The following KCNAB1 variants were observed in gnomAD, a reference collection of about 807,000 sequenced individuals.
The protein encoded by KCNAB1 is voltage-gated potassium channel subunit beta-1.
In KCNAB1, 35 loss-of-function variants were observed where a neutral mutation model predicts 64.6. That is an observed-to-expected ratio of 0.54 (90% CI 0.41 to 0.72). The LOEUF is 0.72. Among genes scored for constraint, KCNAB1 ranks in the 30% least tolerant of loss-of-function variants. The pLI is 0.00. For missense variants in KCNAB1, 401 were observed against 512.9 expected (o/e 0.78, Z 2.11); for synonymous variants, 177 against 183.8 (o/e 0.96, Z 0.30).
At chr3:156,251,641 G>T (rs540981899) in intron 1 of KCNAB1, among the ~76,000 whole-genome samples, 1 of 152,010 alleles carries the variant, frequency 6.6e-6, no homozygotes, top group South Asian at 2.1e-4. Flanking sequence ...TTGAATGGGC[G>T]GGCTCAAGGG....
chr3:156,163,371 T>TA (rs1230811318), intron 1 of KCNAB1, among the ~76,000 whole-genome samples: 2 of 152,112 alleles, frequency 1.3e-5, no homozygotes, highest in Non-Finnish European at 2.9e-5. Flanking sequence ...CTATGGCACT[T>TA]AAAAAAATGC....
intron 1 of KCNAB1, among the ~76,000 whole-genome samples, chr3:156,293,199 C>T (rs1051161869): frequency 1.3e-5 from 2 of 152,170 alleles, no homozygotes; most frequent in Non-Finnish European, 2.9e-5. Flanking sequence ...TTGCTTTGTA[C>T]CAAGTCCCTC....
intron 1 of KCNAB1, among the ~76,000 whole-genome samples, chr3:156,382,714 C>T (rs1167364660): frequency 6.6e-6 from 1 of 152,166 alleles, no homozygotes; most frequent in Non-Finnish European, 1.5e-5. Context: ...GCAAGTGTCT[C>T]TTCCTGACTG....
chr3:156,369,135 C>T (rs1035942323), intron 1 of KCNAB1, among the ~76,000 whole-genome samples: 1 of 152,166 alleles, frequency 6.6e-6, no homozygotes, highest in Admixed American at 6.5e-5. Flanking sequence ...TAGGTAACCA[C>T]TATTCTGATT....
At chr3:156,269,568 G>A (rs1310392914) in intron 1 of KCNAB1, among the ~76,000 whole-genome samples, 1 of 152,160 alleles carries the variant, frequency 6.6e-6, no homozygotes, top group Admixed American at 6.5e-5. Context: ...TGTTCTAGAT[G>A]ATCTGTCCAA....
chr3:156,487,677 T>C (rs756342038), intron 8 of KCNAB1, among the ~76,000 whole-genome samples: 2 of 152,110 alleles, frequency 1.3e-5, no homozygotes, highest in Non-Finnish European at 2.9e-5. Context: ...AGGGAAGCAG[T>C]AGGAAGGGAA....
chr3:156,397,569 A>G (rs916750969), intron 1 of KCNAB1, among the ~76,000 whole-genome samples: 17 of 152,298 alleles, frequency 1.1e-4, no homozygotes, highest in African/African-American at 3.6e-4. Context: ...CTGGGAAACT[A>G]TAACAGTTTG....
intron 1 of KCNAB1, among the ~76,000 whole-genome samples, chr3:156,402,923 T>A (rs1714003496): frequency 6.6e-6 from 1 of 152,182 alleles, no homozygotes; most frequent in Admixed American, 6.5e-5. Flanking sequence ...GTCTAGAGTT[T>A]TATTGTCCAT....
chr3:156,512,950 C>T (rs981723288), intron 8 of KCNAB1, among the ~76,000 whole-genome samples: 6 of 152,238 alleles, frequency 3.9e-5, no homozygotes, highest in Non-Finnish European at 5.9e-5. Context: ...CAGTGGCTCA[C>T]GCCTGTAATC....
chr3:156,271,352 G>C (rs972657552), intron 1 of KCNAB1, among the ~76,000 whole-genome samples: 10 of 152,054 alleles, frequency 6.6e-5, no homozygotes, highest in Non-Finnish European at 1.3e-4. Flanking sequence ...TCTAGATATT[G>C]TTGGTGTGTT....
intron 7 of KCNAB1, among the ~76,000 whole-genome samples, chr3:156,471,615 C>T (rs1713901405): frequency 6.6e-6 from 1 of 152,224 alleles, no homozygotes; most frequent in African/African-American, 2.4e-5. Flanking sequence ...CCCAGCTGCC[C>T]TTCTGGAGCC....
At chr3:156,476,253 G>A (rs1450742552) in intron 8 of KCNAB1, among the ~76,000 whole-genome samples, 1 of 151,918 alleles carries the variant, frequency 6.6e-6, no homozygotes, top group Non-Finnish European at 1.5e-5. Flanking sequence ...TATCACTAGA[G>A]CAGAATACAC....
chr3:156,232,317 A>T (rs1716579957), intron 1 of KCNAB1, among the ~76,000 whole-genome samples: 1 of 152,248 alleles, frequency 6.6e-6, no homozygotes, highest in South Asian at 2.1e-4. Context: ...ATCAAACTAT[A>T]CTGAATTCTG....
chr3:156,309,007 T>C (rs1721700444), intron 1 of KCNAB1, among the ~76,000 whole-genome samples: 1 of 152,120 alleles, frequency 6.6e-6, no homozygotes, highest in African/African-American at 2.4e-5. Context: ...TAATTGGGGG[T>C]CCATTACTTA....
chr3:156,203,994 C>T (rs1302362671), intron 1 of KCNAB1, among the ~76,000 whole-genome samples: 1 of 152,116 alleles, frequency 6.6e-6, no homozygotes, highest in Non-Finnish European at 1.5e-5. Flanking sequence ...GCTGGGACTG[C>T]AGATAGGTCC....
At chr3:156,459,716 C>T (rs1020256606) in intron 4 of KCNAB1, 111 bp from the exon 5 acceptor site, 15 of 706,622 alleles carry the variant, frequency 2.1e-5, no homozygotes, top group Middle Eastern at 2.5e-4. Flanking sequence ...CTTCTATTTT[C>T]GGGATATGTA....
chr3:156,491,416 G>A (rs750703105), intron 8 of KCNAB1, among the ~76,000 whole-genome samples: 5 of 152,140 alleles, frequency 3.3e-5, no homozygotes, highest in Middle Eastern at 3.4e-3. Flanking sequence ...TTTGGAGCTC[G>A]GCTGTAGCTC....
chr3:156,162,796 A>C (rs902187408), intron 1 of KCNAB1, among the ~76,000 whole-genome samples: 6 of 152,190 alleles, frequency 3.9e-5, no homozygotes, highest in Non-Finnish European at 8.8e-5. Context: ...CTCCAAATGC[A>C]TGAAAACCAC....
At chr3:156,361,835 T>G (rs1427702260) in intron 1 of KCNAB1, among the ~76,000 whole-genome samples, 1 of 152,108 alleles carries the variant, frequency 6.6e-6, no homozygotes, top group Non-Finnish European at 1.5e-5. Context: ...ATTTTTAAAA[T>G]TTTTTGTAAA....
Sources: allele counts gnomAD v4.1 joint callset (sites outside exome capture counted in the v4.1 genomes callset), GRCh38; gene constraint gnomAD v4.1.1; transcripts MANE v1.5; gene names NCBI Gene and HGNC (gene_info 2026-07-23, HGNC 2026-07-21).